The following DIP2C variants were observed in gnomAD, a reference collection of about 807,000 sequenced individuals.
The protein encoded by DIP2C is disco-interacting protein 2 homolog C.
Under a neutral mutation model 192.4 loss-of-function variants are expected in DIP2C, and 33 were observed. The observed-to-expected ratio is 0.17, with a 90% CI of 0.13 to 0.23. DIP2C has a LOEUF of 0.23. DIP2C is among the 10% of genes least tolerant of loss of function. The pLI is 1.00. For synonymous variants in DIP2C, 979 were observed against 864.1 expected, an observed-to-expected ratio of 1.13 and a Z score of -2.33; for missense variants, 1,537 against 2,110.1, an observed-to-expected ratio of 0.73 and a Z score of 5.32.
chr10:357,995 G>A, intron 22 of DIP2C, 58 bp from the exon 23 acceptor site: 3 of 1,337,806 alleles, frequency 2.2e-6, no homozygotes, highest in South Asian at 1.2e-5. Context: ...CTTCAGACTA[G>A]ACCTCCCACT....
intron 1 of DIP2C, among the ~76,000 whole-genome samples, chr10:526,015 G>A (rs761518031): frequency 5.9e-5 from 9 of 152,188 alleles, no homozygotes; most frequent in Middle Eastern, 3.2e-3. Context: ...CTTCTGCAAC[G>A]CCTGGCGTGG....
chr10:631,411 A>C (rs1476017517), intron 1 of DIP2C, among the ~76,000 whole-genome samples: 1 of 152,130 alleles, frequency 6.6e-6, no homozygotes. Flanking sequence ...CATCCTAATT[A>C]ATCTGCATAA....
chr10:348,574 C>T (rs904797148), intron 26 of DIP2C, 67 bp downstream of exon 26: 1 of 1,572,342 alleles, frequency 6.4e-7, no homozygotes, highest in Non-Finnish European at 8.6e-7. Context: ...ATGTCAGAGT[C>T]TGCGCGTTGC....
At chr10:337,951 C>T (rs888563936) in intron 29 of DIP2C, among the ~76,000 whole-genome samples, 1 of 137,018 alleles carries the variant, frequency 7.3e-6, no homozygotes, top group Non-Finnish European at 1.5e-5. Flanking sequence ...GAGGCCTAGA[C>T]AGTCGTGTGT....
rs1386736188 is a variant in DIP2C at position 350,737 on chromosome 10, C to G, written c.2986-1283G>C. Among the ~76,000 whole-genome samples, 4 of 147,602 alleles carry G rather than the reference C, an allele frequency of 2.7e-5. No homozygotes were observed. In the East Asian group the frequency reaches 8.2e-4, roughly 30 times the overall value. On this transcript the variant is annotated intron_variant, in intron 24 of 36. Transcript: ENST00000280886. Reference sequence around the variant, plus strand: ...CACGGCAACCTCCGCCTTCCGGATTCAAGCAATTCTCCCGTTCTCCTGCCT... The same window carrying G: ...CACGGCAACCTCCGCCTTCCGGATTGAAGCAATTCTCCCGTTCTCCTGCCT...
chr10:558,516 CCCAGCGCAGGGGGACAGGAGCACGT>C (rs1481314641), intron 1 of DIP2C, among the ~76,000 whole-genome samples: 1 of 152,122 alleles, frequency 6.6e-6, no homozygotes, highest in Admixed American at 6.5e-5. Context: ...GAGGCGGGCG[CCCAGCGCAGGGGGACAGGAGCACGT>C]CCAGCCCAGC....
At chr10:356,380 G>T in intron 24 of DIP2C, 46 bp downstream of exon 24, 1 of 1,600,732 alleles carries the variant, frequency 6.2e-7, no homozygotes. Context: ...AACCAGGCTA[G>T]GCCCCTTGAG....
At chr10:364,062 C>T (rs138680641) in intron 20 of DIP2C, among the ~76,000 whole-genome samples, 48 of 152,242 alleles carry the variant, frequency 3.2e-4, no homozygotes, top group African/African-American at 9.6e-4. Context: ...ACCCGCTCCA[C>T]GATGGATATC....
chr10:566,940 G>C (rs900610824), intron 1 of DIP2C, among the ~76,000 whole-genome samples: 1 of 152,238 alleles, frequency 6.6e-6, no homozygotes, highest in African/African-American at 2.4e-5. Context: ...TGCTGAGGGA[G>C]CCATCTCAGA....
At chr10:548,911 C>CCAAAAAAAAAAAAAAAA (rs1348217783) in intron 1 of DIP2C, among the ~76,000 whole-genome samples, 1 of 26,462 alleles carries the variant, frequency 3.8e-5, no homozygotes, top group African/African-American at 1.3e-4. Context: ...TAGCAGCTCA[C>CCAAAAAAAAAAAAAAAA]AAAAAAAAAA....
chr10:640,742 G>T (rs1474228922), intron 1 of DIP2C, among the ~76,000 whole-genome samples: 2 of 141,138 alleles, frequency 1.4e-5, no homozygotes, highest in African/African-American at 5.7e-5. Flanking sequence ...GGTGGGCGCC[G>T]GGAAGAGGGT....
chr10:424,570 T>TG (rs1213768996), intron 4 of DIP2C, among the ~76,000 whole-genome samples: 2 of 152,076 alleles, frequency 1.3e-5, no homozygotes, highest in African/African-American at 2.4e-5. Context: ...TTCACCATGC[T>TG]GGCCAGGCTG....
rs930988150 is a variant in DIP2C at position 275,874 on chromosome 10, C to A, written c.*1451G>T. 1.3e-5 allele frequency: 2 copies of A among 152,236 alleles called. No individual in the cohort carries two copies. The highest frequency in any genetic ancestry group is 2.9e-5 in the Non-Finnish European group (2 of 68,066). The allele number at this position is 152,236 out of a possible 1,614,324, so 9.4% of individuals were successfully genotyped here. ...GGAGGACTTCTTGCTTCAGCCGGAG[C>A]TCTGGCATGAACCCCCGGGGAACTG... On this transcript the variant is annotated 3_prime_UTR_variant, in exon 37 of 37. Coordinates refer to ENST00000280886, the MANE Select transcript of DIP2C (RefSeq NM_014974.3).
At chr10:429,637 C>T (rs949006512) in intron 4 of DIP2C, among the ~76,000 whole-genome samples, 7 of 150,858 alleles carry the variant, frequency 4.6e-5, no homozygotes, top group Non-Finnish European at 1.5e-5. Context: ...TAAAATCATA[C>T]AGCAACCTTT....
intron 3 of DIP2C, among the ~76,000 whole-genome samples, chr10:464,076 T>A (rs1463526777): frequency 1.3e-5 from 2 of 152,096 alleles, no homozygotes; most frequent in Non-Finnish European, 2.9e-5. Flanking sequence ...ATTCAGTACA[T>A]AGACATGGCC....
At chr10:487,746 T>A (rs773411908) in intron 1 of DIP2C, among the ~76,000 whole-genome samples, 1 of 151,632 alleles carries the variant, frequency 6.6e-6, no homozygotes, top group Non-Finnish European at 1.5e-5. Flanking sequence ...CCCGGCTAAT[T>A]TTTTGTATTT....
At chr10:645,839 C>A (rs575734349) in intron 1 of DIP2C, among the ~76,000 whole-genome samples, 1 of 152,306 alleles carries the variant, frequency 6.6e-6, no homozygotes, top group East Asian at 1.9e-4. Flanking sequence ...AGAGCAAACA[C>A]AATAGTTCAG....
chr10:528,274 G>A (rs1020732879), intron 1 of DIP2C, among the ~76,000 whole-genome samples: 30 of 152,008 alleles, frequency 2.0e-4, no homozygotes, highest in Admixed American at 8.5e-4. Flanking sequence ...GCACCGTCAC[G>A]CACACCCAGA....
At chr10:294,673 T>G (rs937029090) in intron 32 of DIP2C, among the ~76,000 whole-genome samples, 1 of 152,102 alleles carries the variant, frequency 6.6e-6, no homozygotes, top group African/African-American at 2.4e-5. Flanking sequence ...GTTTATCAAT[T>G]TATGTCCATT....
Sources: allele counts gnomAD v4.1 joint callset (sites outside exome capture counted in the v4.1 genomes callset), GRCh38; gene constraint gnomAD v4.1.1; transcripts MANE v1.5; gene names NCBI Gene and HGNC (gene_info 2026-07-23, HGNC 2026-07-21).